GAMT: variants seen among roughly 807,000 people sequenced by gnomAD.
GAMT encodes guanidinoacetate N-methyltransferase.
GAMT carries 26 observed loss-of-function variants against 26.9 expected under a neutral mutation model. The ratio of observed to expected loss-of-function variants is 0.97; its 90% CI spans 0.71 to 1.34. The LOEUF is 1.34. GAMT is among the 40% of genes most tolerant of loss of function. The probability of loss-of-function intolerance (pLI) is 0.00; values close to 1 mark genes in which losing one functional copy is unlikely to be tolerated. For synonymous variants in GAMT, 169 were observed against 149.6 expected (o/e 1.13, Z -0.95); for missense variants, 412 against 345.0 (o/e 1.19, Z -1.54).
chr19:1,398,106 T>G (rs2082611052), intron 5 of GAMT: 1 of 994,018 alleles, frequency 1.0e-6, no homozygotes, highest in Non-Finnish European at 1.2e-6. Context: ...TTTTTTGTTT[T>G]TGTTTTGTTG....
At position 1,399,388 on chromosome 19, in the gene GAMT, C is replaced by T. The variant is rs770354115; in HGVS notation, c.391+136G>A. 1.4e-5 allele frequency: 14 copies of T among 1,036,916 alleles called. No homozygotes were observed. Among genetic ancestry groups the T allele is most frequent in the African/African-American group, 4.8e-5 (3 of 62,982 alleles). 64.2% of individuals were successfully genotyped at this position (1,036,916 alleles called of 1,614,324 possible). Reference sequence around the variant, plus strand: ...GTGAGCATGCCCATCCCCGGTGCTCCGCCATCCCACAGCCAGGCCCACACC... The same window carrying T: ...GTGAGCATGCCCATCCCCGGTGCTCTGCCATCCCACAGCCAGGCCCACACC... On this transcript the variant is annotated intron_variant, in intron 3 of 5. Coordinates refer to ENST00000252288, the MANE Select transcript of GAMT (RefSeq NM_000156.6). This position sits in a 1 kb window ranked among gnomAD's most constrained non-coding sequence, Gnocchi z 6.2.
At position 1,397,349 on chromosome 19, in the gene GAMT, G is replaced by C; in HGVS notation, c.*10C>G. ...GGAGGGCATGGGTGTGGCCGGGCCGGGGTGGGGGCTCAGCCTTTGGTCACC... is the reference window on the plus strand; with the variant it reads ...GGAGGGCATGGGTGTGGCCGGGCCGCGGTGGGGGCTCAGCCTTTGGTCACC... On this transcript the variant is annotated 3_prime_UTR_variant, in exon 6 of 6. Coordinates refer to ENST00000252288, the MANE Select transcript of GAMT (RefSeq NM_000156.6). 2 of 1,608,310 alleles carry C rather than the reference G, an allele frequency of 1.2e-6. No homozygotes were observed. The highest frequency in any genetic ancestry group is 2.2e-5 in the East Asian group (1 of 44,678).
At position 1,401,504 on chromosome 19, in the gene GAMT, C is replaced by T; in HGVS notation, c.-28G>A. On this transcript the variant is annotated 5_prime_UTR_variant, in exon 1 of 6. Transcript: ENST00000252288. ...TGCAGGCTGGACGGCGACCCGACCT[C>T]GATCGCGCGCCGCCCGGGCCCGCTC... 3 of 1,289,502 alleles carry T rather than the reference C, an allele frequency of 2.3e-6. No homozygotes were observed. The highest frequency in any genetic ancestry group is 2.9e-6 in the Non-Finnish European group (3 of 1,017,992). The allele number at this position is 1,289,502 out of a possible 1,614,324, so 79.9% of individuals were successfully genotyped here.
Position 1,399,940 on chromosome 19 carries a change from T to C in GAMT, c.182-2A>G, listed in dbSNP as rs2082624299. ...AGCCCACCTCCAGGACCCGGCCCCCTGGGCAGACACAGGGCGCCTGGCATC... is the reference window on the plus strand; with the variant it reads ...AGCCCACCTCCAGGACCCGGCCCCCCGGGCAGACACAGGGCGCCTGGCATC... On this transcript the variant is annotated splice_acceptor_variant, in intron 1 of 5. Coordinates refer to ENST00000252288, the MANE Select transcript of GAMT (RefSeq NM_000156.6). LOFTEE classifies it high-confidence loss of function. The surrounding 1 kb of genome is among the most constrained non-coding windows in gnomAD (Gnocchi z 6.2). 6.2e-7 allele frequency: 1 copy of C among 1,605,364 alleles called. No individual in the cohort carries two copies. Among genetic ancestry groups the C allele is most frequent in the Non-Finnish European group, 8.5e-7 (1 of 1,177,326 alleles).
intron 5 of GAMT, chr19:1,398,082 C>T (rs2082610854): frequency 1.0e-6 from 1 of 995,242 alleles, no homozygotes; most frequent in Non-Finnish European, 1.2e-6. Context: ...TGGTGAGGGA[C>T]TTTGATTTCC....
At position 1,397,407 on chromosome 19, in the gene GAMT, G is replaced by A; in HGVS notation, c.663C>T (p.Arg221=). ...TGATCATCTGTGGGAAGGCGTAGTA[G>A]CGGCAGTCGGCCGGTGGGACCAGCG... ...VMALVPPADC[R]YYAFPQMITP... Residue 221 remains arginine, a synonymous_variant, in exon 6 of 6, where the codon CGC becomes CGT. Coordinates refer to ENST00000252288, the MANE Select transcript of GAMT (RefSeq NM_000156.6). 6.2e-7 allele frequency: 1 copy of A among 1,611,766 alleles called. No individual in the cohort carries two copies. The highest frequency in any genetic ancestry group is 8.5e-7 in the Non-Finnish European group (1 of 1,179,786).
chr19:1,397,826 A>G (rs2082609495), intron 5 of GAMT: 13 of 1,215,424 alleles, frequency 1.1e-5, no homozygotes, highest in African/African-American at 1.5e-5. Context: ...ACAGGCCACT[A>G]GTTCCCATTT....
In GAMT at chr19:1,399,281, G is replaced by C; in HGVS notation, c.392-86C>G. 1 of 1,464,020 alleles carries C rather than the reference G, an allele frequency of 6.8e-7. No homozygotes were observed. Among genetic ancestry groups the C allele is most frequent in the Non-Finnish European group, 9.6e-7 (1 of 1,045,354 alleles). The allele number at this position is 1,464,020 out of a possible 1,614,324, so 90.7% of individuals were successfully genotyped here. On this transcript the variant is annotated intron_variant, in intron 3 of 5. Coordinates refer to ENST00000252288, the MANE Select transcript of GAMT (RefSeq NM_000156.6). This position sits in a 1 kb window ranked among gnomAD's most constrained non-coding sequence, Gnocchi z 6.2. ...CCCGGCTCATCCCCCAGCGGGTGGA[G>C]GTGCAGTGAGACGGGGCCGTGGGTA...
rs779695558 is a variant in GAMT at position 1,399,612 on chromosome 19, G to A, written c.328-25C>T. 1.2e-6 allele frequency: 2 copies of A among 1,607,310 alleles called. No homozygotes were observed. Among genetic ancestry groups the A allele is most frequent in the Non-Finnish European group, 1.7e-6 (2 of 1,176,810 alleles). ...CCTTGCAGAGGGGAAAAGAAAAAGA[G>A]AGGACAGGGTAGAGAGGTCCCCAGG... On this transcript the variant is annotated intron_variant, in intron 2 of 5. Coordinates refer to ENST00000252288, the MANE Select transcript of GAMT (RefSeq NM_000156.6). The surrounding 1 kb of genome is among the most constrained non-coding windows in gnomAD (Gnocchi z 6.2).
chr19:1,400,088 C>G, intron 1 of GAMT, 150 bp from the exon 2 acceptor site: 1 of 811,286 alleles, frequency 1.2e-6, no homozygotes, highest in Non-Finnish European at 1.8e-6. Context: ...GGGGGGCGTG[C>G]AGAGCAGGGC....
chr19:1,397,716 C>T (rs1256360835), intron 5 of GAMT: 4 of 1,408,450 alleles, frequency 2.8e-6, no homozygotes, highest in Non-Finnish European at 2.8e-6. Context: ...TCCTGGAACC[C>T]CAGCCCCACA....
chr19:1,399,736 G>A lies in GAMT; in HGVS notation c.327+57C>T, dbSNP rs1569006629. 6.5e-7 allele frequency: 1 copy of A among 1,533,678 alleles called. No individual in the cohort carries two copies. The highest frequency in any genetic ancestry group is 1.4e-5 in the African/African-American group (1 of 73,002). ...GCCCCAGGCCCCCAACCCCCAGGAA[G>A]CAGTGCCCTCACCCCAAGGAGTGGG... On this transcript the variant is annotated intron_variant, in intron 2 of 5. Coordinates refer to ENST00000252288, the MANE Select transcript of GAMT (RefSeq NM_000156.6). This position sits in a 1 kb window ranked among gnomAD's most constrained non-coding sequence, Gnocchi z 6.2.
chr19:1,399,817 G>T lies in GAMT; in HGVS notation c.303C>A (p.Asp101Glu). ...CCTTGTGTGTCTGCCGTGGGGCCCA[G>T]TCCCGGAGCCGCTGGAAGACGCCGT... Reference protein sequence around the residue: ...CNDGVFQRLRDWAPRQTHKVI... With the variant: ...CNDGVFQRLREWAPRQTHKVI... The change falls in exon 2 of 6, where the codon GAC becomes GAA. Residue 101 changes from aspartate (D) to glutamate (E), a missense_variant. Transcript: ENST00000252288. This position sits in a 1 kb window ranked among gnomAD's most constrained non-coding sequence, Gnocchi z 6.2. The T allele has an allele frequency of 6.3e-7, 1 of 1,577,186 alleles. No homozygotes were observed. Among genetic ancestry groups the T allele is most frequent in the Non-Finnish European group, 8.6e-7 (1 of 1,162,232 alleles).
Position 1,397,083 on chromosome 19 carries a change from G to T in GAMT, c.*276C>A. The T allele has an allele frequency of 4.3e-6, 2 of 469,046 alleles. No homozygotes were observed. Among genetic ancestry groups the T allele is most frequent in the Non-Finnish European group, 7.8e-6 (2 of 256,406 alleles). The allele number at this position is 469,046 out of a possible 1,614,324, so 29.1% of individuals were successfully genotyped here. On this transcript the variant is annotated 3_prime_UTR_variant, in exon 6 of 6. Coordinates refer to ENST00000252288, the MANE Select transcript of GAMT (RefSeq NM_000156.6). ...GGAGCAGCCGCTGGAAGTAACAGTC[G>T]CACGCTCACTGCCGACTGGCCAAGC...
In GAMT at chr19:1,399,561, C is replaced by G. The variant is rs1180941527; in HGVS notation, c.354G>C (p.Glu118Asp). 1.2e-6 allele frequency: 2 copies of G among 1,613,144 alleles called. No homozygotes were observed. The highest frequency in any genetic ancestry group is 2.7e-5 in the African/African-American group (2 of 74,930). ...CGTCAGGCAGGGTGGGTGCCACATCCTCCCACAGGCCTTTCAAGGGGATGA... is the reference window on the plus strand; with the variant it reads ...CGTCAGGCAGGGTGGGTGCCACATCGTCCCACAGGCCTTTCAAGGGGATGA... Reference protein sequence around the residue: ...HKVIPLKGLWEDVAPTLPDGH... With the variant: ...HKVIPLKGLWDDVAPTLPDGH... Residue 118 changes from glutamate (E) to aspartate (D), a missense_variant, in exon 3 of 6, where the codon GAG (glutamate) becomes GAC (aspartate). Transcript: ENST00000252288. The surrounding 1 kb of genome is among the most constrained non-coding windows in gnomAD (Gnocchi z 6.2).
chr19:1,397,701 G>T (rs983976660), intron 5 of GAMT: 23 of 1,401,632 alleles, frequency 1.6e-5, no homozygotes, highest in East Asian at 5.1e-5. Context: ...GCAGCTTCCC[G>T]GCTGTCCTGG....
chr19:1,400,852 C>G (rs776545346), intron 1 of GAMT, among the ~76,000 whole-genome samples: 2 of 152,204 alleles, frequency 1.3e-5, no homozygotes, highest in East Asian at 1.9e-4. Context: ...AGGGCCACCC[C>G]GGGGACAGCT....
Position 1,397,250 on chromosome 19 carries a change from C to T in GAMT, c.*109G>A. 7.4e-7 allele frequency: 1 copy of T among 1,351,246 alleles called. No individual in the cohort carries two copies. Among genetic ancestry groups the T allele is most frequent in the Middle Eastern group, 2.2e-4 (1 of 4,474 alleles). 83.7% of individuals were successfully genotyped at this position (1,351,246 alleles called of 1,614,324 possible). ...ACCCCTCACAGAGAAGCCGGGAAAG[C>T]TTCTGGTGACACACAGCTGGGATCA... is the stretch of plus-strand genomic sequence containing the variant. On this transcript the variant is annotated 3_prime_UTR_variant, in exon 6 of 6. Transcript: ENST00000252288.
In GAMT at chr19:1,399,553, G is replaced by T; in HGVS notation, c.362C>A (p.Ala121Glu). 6.2e-7 allele frequency: 1 copy of T among 1,613,216 alleles called. No individual in the cohort carries two copies. The highest frequency in any genetic ancestry group is 8.5e-7 in the Non-Finnish European group (1 of 1,179,842). Residue 121 changes from alanine to glutamate, a missense_variant, in exon 3 of 6, where the codon GCA (alanine) becomes GAA (glutamate). Coordinates refer to ENST00000252288, the MANE Select transcript of GAMT (RefSeq NM_000156.6). The surrounding 1 kb of genome is among the most constrained non-coding windows in gnomAD (Gnocchi z 6.2). Reference protein sequence around the residue: ...IPLKGLWEDVAPTLPDGHFDG... With the variant: ...IPLKGLWEDVEPTLPDGHFDG... Reference sequence around the variant, plus strand: ...AAAGTGACCGTCAGGCAGGGTGGGTGCCACATCCTCCCACAGGCCTTTCAA... The same window carrying T: ...AAAGTGACCGTCAGGCAGGGTGGGTTCCACATCCTCCCACAGGCCTTTCAA...
Sources: allele counts gnomAD v4.1 joint callset (sites outside exome capture counted in the v4.1 genomes callset), GRCh38; gene constraint gnomAD v4.1.1; non-coding constraint Gnocchi (gnomAD v3.1); transcripts MANE v1.5; gene names NCBI Gene and HGNC (gene_info 2026-07-23, HGNC 2026-07-21).